The following MAN1C1 variants were observed in gnomAD, a reference collection of about 807,000 sequenced individuals.
MAN1C1 encodes the protein mannosidase alpha class 1C member 1, also known as mannosyl-oligosaccharide 1,2-alpha-mannosidase IC.
MAN1C1 carries 49 observed loss-of-function variants against 71.5 expected under a neutral mutation model. The observed-to-expected ratio is 0.69, with a 90% CI of 0.54 to 0.87. MAN1C1 has a LOEUF of 0.87. Ranked by LOEUF, MAN1C1 falls within the 40% of genes least tolerant of loss-of-function variation. The pLI, the probability that MAN1C1 is intolerant of heterozygous loss-of-function variation, is 0.00. For missense variants in MAN1C1, 743 were observed against 835.0 expected (o/e 0.89, Z 1.36); for synonymous variants, 352 against 343.7 (o/e 1.02, Z -0.27).
At chr1:25,651,011 G>A (rs911013116) in intron 1 of MAN1C1, among the ~76,000 whole-genome samples, 1 of 152,150 alleles carries the variant, frequency 6.6e-6, no homozygotes, top group South Asian at 2.1e-4. Context: ...AGGAGACCTG[G>A]AGGGGGTTGG....
intron 1 of MAN1C1, 85 bp from the exon 2 acceptor site, chr1:25,686,355 G>A (rs536838387): frequency 1.1e-4 from 126 of 1,107,030 alleles, no homozygotes; most frequent in South Asian, 7.4e-4. Context: ...TTAAAAACAC[G>A]TTGCAAGGGG....
intron 1 of MAN1C1, among the ~76,000 whole-genome samples, chr1:25,647,387 T>C (rs2045630265): frequency 6.6e-6 from 1 of 151,766 alleles, no homozygotes; most frequent in Non-Finnish European, 1.5e-5. Context: ...AATGGCAGAG[T>C]GTGGGCTCGC....
At chr1:25,741,401 A>G (rs772702823) in intron 2 of MAN1C1, among the ~76,000 whole-genome samples, 11 of 152,180 alleles carry the variant, frequency 7.2e-5, no homozygotes, top group Non-Finnish European at 1.5e-4. Flanking sequence ...CCAGCACAGG[A>G]GACTGGGAAG....
chr1:25,643,901 T>C (rs1206413965), intron 1 of MAN1C1, among the ~76,000 whole-genome samples: 3 of 152,194 alleles, frequency 2.0e-5, no homozygotes, highest in Non-Finnish European at 4.4e-5. Flanking sequence ...CTGATTCATG[T>C]TGGAAATCTA....
At chr1:25,773,525 T>C (rs1013360079) in intron 8 of MAN1C1, among the ~76,000 whole-genome samples, 3 of 152,210 alleles carry the variant, frequency 2.0e-5, no homozygotes, top group Non-Finnish European at 1.5e-5. Context: ...TCTTGTTCAC[T>C]CCTGTCTTTG....
intron 1 of MAN1C1, chr1:25,644,630 A>G (rs568689379): frequency 4.1e-5 from 6 of 147,816 alleles, no homozygotes; most frequent in South Asian, 4.3e-4. Flanking sequence ...GGTTCAAGCA[A>G]TTCTCCAGCC....
At chr1:25,713,310 C>G (rs1572168476) in intron 2 of MAN1C1, among the ~76,000 whole-genome samples, 2 of 152,222 alleles carry the variant, frequency 1.3e-5, no homozygotes, top group Admixed American at 6.5e-5. Flanking sequence ...ACCCTCATCA[C>G]AGTCAGGTGA....
intron 2 of MAN1C1, among the ~76,000 whole-genome samples, chr1:25,727,560 A>G (rs1348716925): frequency 1.3e-5 from 2 of 152,218 alleles, no homozygotes; most frequent in African/African-American, 2.4e-5. Context: ...CCCCATCCCA[A>G]AGCTATGGCA....
intron 8 of MAN1C1, among the ~76,000 whole-genome samples, chr1:25,777,193 C>T (rs1241917138): frequency 2.6e-5 from 4 of 152,138 alleles, no homozygotes; most frequent in Non-Finnish European, 5.9e-5. Flanking sequence ...AGTACAGAGA[C>T]CCCCTGGAGA....
intron 1 of MAN1C1, among the ~76,000 whole-genome samples, chr1:25,677,255 CTA>C (rs978468771): frequency 6.6e-5 from 10 of 152,160 alleles, no homozygotes; most frequent in Non-Finnish European, 1.0e-4. Context: ...CTGTATCTCT[CTA>C]TCATTGGAGC....
chr1:25,672,193 C>A (rs1484600691), intron 1 of MAN1C1, among the ~76,000 whole-genome samples: 1 of 152,172 alleles, frequency 6.6e-6, no homozygotes, highest in Admixed American at 6.5e-5. Flanking sequence ...GAGGAAGGTG[C>A]CCTAGCTCCA....
rs2047402981 is a variant in MAN1C1, at chr1:25,764,527, C to T, written c.1141+560C>T. The stretch of plus-strand genomic sequence containing the variant: ...TCCCAGGTTCAAGTGATTCTCCTGA[C>T]TCAGCCACCCGAGTAGCTGGGACTA... On this transcript the variant is annotated intron_variant, in intron 7 of 11. Transcript: ENST00000374332. The surrounding 1 kb of genome is among the most constrained non-coding windows in gnomAD (Gnocchi z 4.4). Among the ~76,000 whole-genome samples the T allele has an allele frequency of 6.6e-6, 1 of 152,164 alleles. No homozygotes were observed. The highest frequency in any genetic ancestry group is 2.1e-4 in the South Asian group (1 of 4,830).
At chr1:25,622,958 T>C (rs1282711844) in intron 1 of MAN1C1, among the ~76,000 whole-genome samples, 1 of 152,242 alleles carries the variant, frequency 6.6e-6, no homozygotes, top group Non-Finnish European at 1.5e-5. Context: ...TCTGAGCCTG[T>C]GAGATGTTCA....
chr1:25,692,380 T>C (rs1026723582), intron 2 of MAN1C1, among the ~76,000 whole-genome samples: 1 of 152,198 alleles, frequency 6.6e-6, no homozygotes, highest in Non-Finnish European at 1.5e-5. Flanking sequence ...ATTCACTCTC[T>C]TTCTAAAATA....
intron 1 of MAN1C1, among the ~76,000 whole-genome samples, chr1:25,667,498 A>G (rs2124120887): frequency 1.3e-5 from 2 of 151,662 alleles, no homozygotes; most frequent in South Asian, 4.2e-4. Context: ...AAAAAAAAAA[A>G]AAAAAAGCAA....
chr1:25,636,418 G>T (rs1301114735), intron 1 of MAN1C1, among the ~76,000 whole-genome samples: 1 of 151,962 alleles, frequency 6.6e-6, no homozygotes. Flanking sequence ...CCTTCCCCAG[G>T]GTATTAATTA....
chr1:25,719,392 ATCTTTTAT>A (rs2046729577), intron 2 of MAN1C1, among the ~76,000 whole-genome samples: 4 of 143,804 alleles, frequency 2.8e-5, no homozygotes, highest in African/African-American at 7.9e-5. Flanking sequence ...ATTATTTTTT[ATCTTTTAT>A]TTATTTATTT....
Position 25,753,360 on chromosome 1 carries a change from T to C in MAN1C1, c.835-124T>C. ...AGTTGGAAGAACCGGGCTGGTGGAC[T>C]GCAGCACTGCCCCCTACTCTAGACC... On this transcript the variant is annotated intron_variant, in intron 4 of 11. Coordinates refer to ENST00000374332, the MANE Select transcript of MAN1C1 (RefSeq NM_020379.4). This position sits in a 1 kb window ranked among gnomAD's most constrained non-coding sequence, Gnocchi z 4.9. 1 of 596,836 alleles carries C rather than the reference T, an allele frequency of 1.7e-6. No homozygotes were observed. Among genetic ancestry groups the C allele is most frequent in the Non-Finnish European group, 2.9e-6 (1 of 345,784 alleles). The allele number at this position is 596,836 out of a possible 1,614,324, so 37.0% of individuals were successfully genotyped here.
intron 1 of MAN1C1, among the ~76,000 whole-genome samples, chr1:25,656,276 T>G (rs557736900): frequency 2.0e-5 from 3 of 151,836 alleles, no homozygotes; most frequent in Non-Finnish European, 4.4e-5. Context: ...TTTTTTATTT[T>G]TAATAGAGAC....
Sources: gnomAD v4.1 joint callset for allele counts (sites outside exome capture counted in the v4.1 genomes callset) on GRCh38, gnomAD v4.1.1 for gene constraint, Gnocchi (gnomAD v3.1) non-coding constraint, MANE v1.5 for transcripts, NCBI Gene and HGNC (gene_info 2026-07-23, HGNC 2026-07-21) for gene names.